Variants in BLTP1 observed in about 807,000 individuals in gnomAD.
BLTP1 encodes the protein bridge-like lipid transfer protein family member 1.
At chr4:122,204,195 T>C in the BLTP1 span, among the ~76,000 whole-genome samples, 1 of 151,854 alleles carries the variant, frequency 6.6e-6, no homozygotes, top group Non-Finnish European at 1.5e-5. Context: ...ATTATGTATA[T>C]TGAGTGCAAG....
the BLTP1 span, among the ~76,000 whole-genome samples, chr4:122,317,299 T>C: frequency 6.6e-6 from 1 of 150,598 alleles, no homozygotes; most frequent in African/African-American, 2.5e-5. Context: ...GCCATTGCAC[T>C]CCAGCCTGGG....
At chr4:122,191,675 T>C in the BLTP1 span, among the ~76,000 whole-genome samples, 1 of 152,256 alleles carries the variant, frequency 6.6e-6, no homozygotes, top group South Asian at 2.1e-4. Context: ...TTCCATTTGT[T>C]GAATTTTGGG....
At chr4:122,207,289 T>G in the BLTP1 span, 1 of 1,576,602 alleles carries the variant, frequency 6.3e-7, no homozygotes, top group Non-Finnish European at 8.6e-7. Flanking sequence ...AAAAATTAGG[T>G]TAAATATTTC....
the BLTP1 span, chr4:122,195,527 A>G: frequency 2.0e-5 from 3 of 152,130 alleles, no homozygotes; most frequent in African/African-American, 7.3e-5. Flanking sequence ...GATGTAATGA[A>G]CTCATTAAAC....
At chr4:122,289,782 A>G in the BLTP1 span, 2 of 982,070 alleles carry the variant, frequency 2.0e-6, no homozygotes, top group Non-Finnish European at 2.4e-6. Flanking sequence ...ATTGGCATCA[A>G]AAGGAGTTTC....
chr4:122,223,971 CGTGCTGCTTTTTA>C, the BLTP1 span: 2 of 970,920 alleles, frequency 2.1e-6, no homozygotes, highest in Non-Finnish European at 2.4e-6. Context: ...CTTTGAAATA[CGTGCTGCTTTTTA>C]GTAGTGAGTA....
the BLTP1 span, among the ~76,000 whole-genome samples, chr4:122,264,867 G>GAAA: frequency 6.6e-6 from 1 of 152,162 alleles, no homozygotes; most frequent in Non-Finnish European, 1.5e-5. Context: ...AACTAGTGTT[G>GAAA]AAAAGATGAA....
the BLTP1 span, chr4:122,231,861 C>A: frequency 1.0e-6 from 1 of 956,258 alleles, no homozygotes; most frequent in Non-Finnish European, 1.2e-6. Context: ...AAAAGAAAAT[C>A]TGTTGAGATT....
chr4:122,197,821 C>G, the BLTP1 span: 3 of 239,072 alleles, frequency 1.3e-5, no homozygotes, highest in African/African-American at 7.0e-5. Context: ...CTAAGTTGAT[C>G]ATGCACTTGA....
At chr4:122,264,377 G>A in the BLTP1 span, 2 of 1,611,430 alleles carry the variant, frequency 1.2e-6, no homozygotes, top group Non-Finnish European at 8.5e-7. Flanking sequence ...TGTGGCAGGT[G>A]TAGAAGAAGC....
chr4:122,194,294 A>C, the BLTP1 span, among the ~76,000 whole-genome samples: 1 of 152,260 alleles, frequency 6.6e-6, no homozygotes, highest in Admixed American at 6.5e-5. Context: ...ATGGTAAATG[A>C]ATAAGCTCGT....
chr4:122,228,980 T>A, the BLTP1 span: 1 of 674,432 alleles, frequency 1.5e-6, no homozygotes, highest in Non-Finnish European at 2.3e-6. Context: ...CATTTATTAT[T>A]ATAAAAGAAT....
At chr4:122,248,981 CTTGGGGTGTTAAT>C in the BLTP1 span, 35 of 694,228 alleles carry the variant, frequency 5.0e-5, no homozygotes, top group Non-Finnish European at 6.0e-5. Flanking sequence ...CTCTCAGGCA[CTTGGGGTGTTAAT>C]TTCCACAGTG....
chr4:122,234,936 A>G, the BLTP1 span: 1 of 1,613,896 alleles, frequency 6.2e-7, no homozygotes, highest in Non-Finnish European at 8.5e-7. Context: ...TTCAAGCACA[A>G]GTGCAGAGTC....
At chr4:122,284,502 T>C in the BLTP1 span, among the ~76,000 whole-genome samples, 1 of 152,176 alleles carries the variant, frequency 6.6e-6, no homozygotes, top group Non-Finnish European at 1.5e-5. Context: ...GAAAATGTAT[T>C]GTCTCCTTTA....
the BLTP1 span, chr4:122,254,776 T>G: frequency 6.8e-7 from 1 of 1,471,018 alleles, no homozygotes; most frequent in Non-Finnish European, 9.0e-7. Context: ...TGACACTTGT[T>G]TTTATAATTT....
the BLTP1 span, chr4:122,184,518 A>G: frequency 6.2e-6 from 1 of 161,280 alleles, no homozygotes; most frequent in Non-Finnish European, 1.3e-5. Context: ...GGGTGTCTGT[A>G]ATCCCATCTC....
At chr4:122,154,198 C>T in the BLTP1 span, 14 of 270,126 alleles carry the variant, frequency 5.2e-5, no homozygotes, top group African/African-American at 1.7e-4. Context: ...TTTTTTGAGA[C>T]GGAGTCTCGC....
the BLTP1 span, chr4:122,243,103 C>T: frequency 3.1e-6 from 5 of 1,596,022 alleles, no homozygotes; most frequent in South Asian, 4.4e-5. Context: ...AAGTGTCTTC[C>T]TTGATTATGA....
Sources: gnomAD v4.1 joint callset for allele counts (sites outside exome capture counted in the v4.1 genomes callset) on GRCh38, gnomAD v4.1.1 for gene constraint, MANE v1.5 for transcripts, NCBI Gene and HGNC (gene_info 2026-07-23, HGNC 2026-07-21) for gene names.